The following ATG10 variants were observed in gnomAD, a reference collection of about 807,000 sequenced individuals.
The protein encoded by ATG10 is autophagy related 10.
ATG10 carries 30 observed loss-of-function variants against 32.1 expected under a neutral mutation model. That is an observed-to-expected ratio of 0.94 (90% CI 0.70 to 1.27). The LOEUF is 1.27. Among genes scored for constraint, ATG10 ranks in the 50% most tolerant of loss-of-function variants. The pLI is 0.00. For missense variants in ATG10, 233 were observed against 262.3 expected, an observed-to-expected ratio of 0.89 and a Z score of 0.77; for synonymous variants, 87 against 91.5, an observed-to-expected ratio of 0.95 and a Z score of 0.28.
At chr5:82,190,872 T>A (rs1198403520) in intron 5 of ATG10, among the ~76,000 whole-genome samples, 1 of 151,742 alleles carries the variant, frequency 6.6e-6, no homozygotes, top group African/African-American at 2.4e-5. Context: ...GAACACTGAG[T>A]TTTTTAAAAA....
At chr5:82,117,899 G>A (rs1005927685) in intron 3 of ATG10, among the ~76,000 whole-genome samples, 10 of 152,080 alleles carry the variant, frequency 6.6e-5, no homozygotes, top group African/African-American at 2.4e-4. Context: ...GCCTTTAAAT[G>A]TTTTTTAGGA....
intron 3 of ATG10, among the ~76,000 whole-genome samples, chr5:82,144,798 A>G (rs1022214517): frequency 3.3e-5 from 5 of 152,018 alleles, no homozygotes; most frequent in African/African-American, 1.2e-4. Context: ...GGAGGGTACT[A>G]TTTTATAAAT....
At chr5:82,068,922 ATT>A (rs1333298656) in intron 3 of ATG10, among the ~76,000 whole-genome samples, 7 of 143,934 alleles carry the variant, frequency 4.9e-5, no homozygotes, top group African/African-American at 2.5e-5. Context: ...TGCCCCTTTG[ATT>A]TTTTTTTTTT....
intron 5 of ATG10, among the ~76,000 whole-genome samples, chr5:82,214,445 A>T (rs1478639026): frequency 6.6e-6 from 1 of 152,222 alleles, no homozygotes; most frequent in Non-Finnish European, 1.5e-5. Context: ...TTTACAAAAG[A>T]TTTGCAGTTG....
chr5:82,044,098 G>A (rs567968494), intron 2 of ATG10, among the ~76,000 whole-genome samples: 1 of 152,194 alleles, frequency 6.6e-6, no homozygotes, highest in Admixed American at 6.5e-5. Context: ...ATAAAGAAAT[G>A]AGGCTTAATT....
At chr5:82,069,525 G>GACTC (rs1316018583) in intron 3 of ATG10, among the ~76,000 whole-genome samples, 4 of 152,100 alleles carry the variant, frequency 2.6e-5, no homozygotes, top group African/African-American at 9.7e-5. Context: ...CCTGTGACTG[G>GACTC]ACTCTAAGCT....
At chr5:82,208,180 G>T (rs1745371238) in intron 5 of ATG10, among the ~76,000 whole-genome samples, 1 of 151,726 alleles carries the variant, frequency 6.6e-6, no homozygotes, top group Non-Finnish European at 1.5e-5. Flanking sequence ...TTGTTTCCTT[G>T]TGTCAATACC....
chr5:82,069,582 A>C (rs1206832934), intron 3 of ATG10, among the ~76,000 whole-genome samples: 2 of 152,148 alleles, frequency 1.3e-5, no homozygotes, highest in East Asian at 3.8e-4. Flanking sequence ...CTTAGCATTT[A>C]GCACAGTGCC....
At chr5:82,210,678 T>A (rs1745459410) in intron 5 of ATG10, among the ~76,000 whole-genome samples, 2 of 152,128 alleles carry the variant, frequency 1.3e-5, no homozygotes. Flanking sequence ...ACATGGAGCT[T>A]ATTTAAGCTG....
At chr5:82,001,882 A>G (rs1027570975) in intron 2 of ATG10, among the ~76,000 whole-genome samples, 4 of 152,238 alleles carry the variant, frequency 2.6e-5, no homozygotes, top group Admixed American at 6.5e-5. Context: ...TTTGCAAACT[A>G]TGCATCTGAC....
intron 2 of ATG10, among the ~76,000 whole-genome samples, chr5:82,002,260 C>G (rs1322469968): frequency 6.6e-6 from 1 of 152,170 alleles, no homozygotes; most frequent in African/African-American, 2.4e-5. Context: ...AGCAGAATTA[C>G]CATTTGACGC....
At chr5:82,150,213 G>C (rs1230203914) in intron 3 of ATG10, among the ~76,000 whole-genome samples, 2 of 151,446 alleles carry the variant, frequency 1.3e-5, no homozygotes, top group African/African-American at 4.8e-5. Flanking sequence ...ATTCATTTAG[G>C]AAACAAGTCA....
At chr5:82,010,562 G>A (rs191617882) in intron 2 of ATG10, among the ~76,000 whole-genome samples, 52 of 152,198 alleles carry the variant, frequency 3.4e-4, no homozygotes, top group African/African-American at 1.1e-3. Context: ...ATAAAATAGC[G>A]ATAGATTTAG....
At chr5:82,211,794 A>T (rs1403538202) in intron 5 of ATG10, among the ~76,000 whole-genome samples, 1 of 152,106 alleles carries the variant, frequency 6.6e-6, no homozygotes, top group Admixed American at 6.5e-5. Context: ...TGGGTTCTTC[A>T]TCCATTAATG....
chr5:82,216,093 C>A (rs1217318405), intron 5 of ATG10, among the ~76,000 whole-genome samples: 1 of 152,128 alleles, frequency 6.6e-6, no homozygotes, highest in Non-Finnish European at 1.5e-5. Flanking sequence ...AATCAAATTG[C>A]CTTTCTGCAG....
intron 3 of ATG10, among the ~76,000 whole-genome samples, chr5:82,100,013 T>TG (rs1328177959): frequency 4.5e-5 from 6 of 132,822 alleles, no homozygotes; most frequent in Admixed American, 3.0e-4. Context: ...TTTTTTTTTT[T>TG]TTTTTTTTTT....
chr5:82,180,950 A>G (rs924735242), intron 5 of ATG10, among the ~76,000 whole-genome samples: 2 of 152,264 alleles, frequency 1.3e-5, no homozygotes, highest in South Asian at 2.1e-4. Context: ...CTTTTTATTG[A>G]TAGAACTCTT....
chr5:81,982,538 T>G (rs952624644), intron 1 of ATG10, among the ~76,000 whole-genome samples: 1 of 151,592 alleles, frequency 6.6e-6, no homozygotes, highest in Non-Finnish European at 1.5e-5. Context: ...AAATGAGAGA[T>G]TCATTGTTTT....
At position 82,058,509 on chromosome 5, in the gene ATG10, C is replaced by T. The variant is rs1763671846; in HGVS notation, c.123C>T (p.Gly41=). The change falls in exon 3 of 8, where the codon GGC becomes GGT. Residue 41 remains glycine, a synonymous_variant. Transcript: ENST00000282185. The part of the protein sequence containing the change: ...EWRPSKDCSD[G]YMCKIHFQIK... Reference sequence around the variant, plus strand: ...ATGAAACACAGGACTGTTCTGATGGCTACATGTGCAAAATACACTTTCAAA... The same window carrying T: ...ATGAAACACAGGACTGTTCTGATGGTTACATGTGCAAAATACACTTTCAAA... The T allele has an allele frequency of 1.2e-6, 2 of 1,612,432 alleles. No individual in the cohort carries two copies. Among genetic ancestry groups the T allele is most frequent in the African/African-American group, 2.7e-5 (2 of 74,812 alleles).
Sources: allele counts gnomAD v4.1 joint callset (sites outside exome capture counted in the v4.1 genomes callset), GRCh38; gene constraint gnomAD v4.1.1; transcripts MANE v1.5; gene names NCBI Gene and HGNC (gene_info 2026-07-23, HGNC 2026-07-21).